The following BAHCC1 variants were observed in gnomAD, a reference collection of about 807,000 sequenced individuals.
The protein encoded by BAHCC1 is BAH domain and coiled-coil containing 1.
A neutral mutation model predicts 88.2 loss-of-function variants in BAHCC1; 43 were observed. That is an observed-to-expected ratio of 0.49 (90% CI 0.38 to 0.63). The LOEUF is 0.63. BAHCC1 is among the 20% of genes least tolerant of loss of function. The pLI is 0.00. For missense variants in BAHCC1, 3,023 were observed against 1,654.8 expected, an observed-to-expected ratio of 1.83 and a Z score of -14.34; for synonymous variants, 1,510 against 745.5, an observed-to-expected ratio of 2.03 and a Z score of -16.71.
At chr17:81,420,823 G>A (rs2064107936) in intron 2 of BAHCC1, among the ~76,000 whole-genome samples, 1 of 152,238 alleles carries the variant, frequency 6.6e-6, no homozygotes, top group Admixed American at 6.5e-5. Context: ...CTAAACTCAT[G>A]CTGCCTCCTG....
At position 81,461,364 on chromosome 17, in the gene BAHCC1, GC is replaced by G; in HGVS notation, c.6705del (p.Lys2236SerfsTer185). On this transcript the variant is annotated frameshift_variant, in exon 26 of 28. Coordinates refer to ENST00000675386, the MANE Select transcript of BAHCC1 (RefSeq NM_001377448.1). Reference protein sequence around the residue: ...KALLMGDKDFSPKLGRPLPSP... With the variant: ...KALLMGDKDFXPKLGRPLPSP... Reference sequence around the variant, plus strand: ...TTGCTCATGGGGGACAAGGACTTCAGCCCCAAGCTCGGGCGGCCCCTGCCCA... The same window carrying G: ...TTGCTCATGGGGGACAAGGACTTCAGCCCAAGCTCGGGCGGCCCCTGCCCA... The G allele has an allele frequency of 1.4e-6, 1 of 725,942 alleles. No individual in the cohort carries two copies. The highest frequency in any genetic ancestry group is 2.5e-6 in the Non-Finnish European group (1 of 394,224). The allele number at this position is 725,942 out of a possible 1,614,324, so 45.0% of individuals were successfully genotyped here.
At chr17:81,416,056 G>A (rs2064018078) in intron 2 of BAHCC1, among the ~76,000 whole-genome samples, 3 of 151,846 alleles carry the variant, frequency 2.0e-5, no homozygotes, top group African/African-American at 2.4e-5. Context: ...GTGCGTGTGT[G>A]TCCATGAGGA....
rs1272300918 is a variant in BAHCC1, at chr17:81,444,836, C to T, written c.2671+10C>T. The T allele has an allele frequency of 2.6e-6, 2 of 771,616 alleles. No individual in the cohort carries two copies. Among genetic ancestry groups the T allele is most frequent in the South Asian group, 1.4e-5 (1 of 73,528 alleles). 47.8% of individuals were successfully genotyped at this position (771,616 alleles called of 1,614,324 possible). On this transcript the variant is annotated intron_variant, in intron 8 of 27. Coordinates refer to ENST00000675386, the MANE Select transcript of BAHCC1 (RefSeq NM_001377448.1). ...GCCCCCCACGCACTTGGTAAGGGCC[C>T]CTGGTCCAGGCTGCTGTACTTGGGG...
At position 81,399,723 on chromosome 17, in the gene BAHCC1, C is replaced by G. The variant is rs1287812663; in HGVS notation, c.-17C>G. On this transcript the variant is annotated 5_prime_UTR_variant, in exon 2 of 28. Transcript: ENST00000675386. The surrounding 1 kb of genome is among the most constrained non-coding windows in gnomAD (Gnocchi z 4.5). The stretch of plus-strand genomic sequence containing the variant: ...CTGCTCCGAGGAAGCGGCGGCGGAC[C>G]GGGGCCGGGGCCCGGCATGGATGGC... 2 of 1,058,786 alleles carry G rather than the reference C, an allele frequency of 1.9e-6. No homozygotes were observed. Among genetic ancestry groups the G allele is most frequent in the East Asian group, 7.1e-5 (1 of 14,126 alleles). 65.6% of individuals were successfully genotyped at this position (1,058,786 alleles called of 1,614,324 possible).
intron 10 of BAHCC1, 50 bp from the exon 11 acceptor site, chr17:81,446,986 C>T (rs1555654565): frequency 1.3e-6 from 1 of 773,446 alleles, no homozygotes; most frequent in Non-Finnish European, 2.4e-6. Flanking sequence ...CGCAGGACAC[C>T]CCCTCACCAC....
intron 10 of BAHCC1, among the ~76,000 whole-genome samples, chr17:81,446,401 C>T (rs2064527630): frequency 6.6e-6 from 1 of 151,642 alleles, no homozygotes; most frequent in Non-Finnish European, 1.5e-5. Context: ...TTTCTGGTTA[C>T]CCACAGCATA....
At chr17:81,418,354 C>A (rs2064062017) in intron 2 of BAHCC1, among the ~76,000 whole-genome samples, 1 of 152,174 alleles carries the variant, frequency 6.6e-6, no homozygotes, top group Non-Finnish European at 1.5e-5. Context: ...GGCTGCCCGC[C>A]AGAATCTACA....
chr17:81,424,726 TGTG>T (rs782548528), intron 2 of BAHCC1, among the ~76,000 whole-genome samples: 2 of 146,684 alleles, frequency 1.4e-5, no homozygotes, highest in African/African-American at 2.5e-5. Context: ...GTTGGTGTTG[TGTG>T]GTGGTGGTGA....
At chr17:81,404,910 G>A (rs868963564) in intron 2 of BAHCC1, among the ~76,000 whole-genome samples, 6 of 152,116 alleles carry the variant, frequency 3.9e-5, no homozygotes, top group Non-Finnish European at 7.4e-5. Context: ...TTTCATCCTG[G>A]GTGGTTTGGT....
rs367683006 is a variant in BAHCC1, at chr17:81,399,082, C to T, written c.-206-452C>T. 4.7e-5 allele frequency: 10 copies of T among 211,118 alleles called. No individual in the cohort carries two copies. The East Asian group carries it at 1.1e-3, about 23-fold the overall frequency. 13.1% of individuals were successfully genotyped at this position (211,118 alleles called of 1,614,324 possible). On this transcript the variant is annotated intron_variant, in intron 1 of 27. Transcript: ENST00000675386. The surrounding 1 kb of genome is among the most constrained non-coding windows in gnomAD (Gnocchi z 4.5). ...TAGTGTGGACCCCAGGCCTTTTCCT[C>T]CGAGACACCTTTGGGCAGCGGGGGA...
intron 3 of BAHCC1, among the ~76,000 whole-genome samples, chr17:81,437,017 C>T (rs1215189741): frequency 1.3e-5 from 2 of 152,262 alleles, no homozygotes; most frequent in African/African-American, 4.8e-5. Context: ...CTGGGATCCA[C>T]TGAGCCAGAG....
chr17:81,450,122 C>T (rs999155277), intron 11 of BAHCC1, among the ~76,000 whole-genome samples: 6 of 152,148 alleles, frequency 3.9e-5, no homozygotes, highest in African/African-American at 1.2e-4. Flanking sequence ...TTGGGGTGCT[C>T]GTTGCTGTGA....
At position 81,462,784 on chromosome 17, in the gene BAHCC1, C is replaced by T. The variant is rs782552853; in HGVS notation, c.7428C>T (p.Ala2476=). 3.9e-6 allele frequency: 3 copies of T among 778,604 alleles called. No individual in the cohort carries two copies. Among genetic ancestry groups the T allele is most frequent in the East Asian group, 2.4e-5 (1 of 41,228 alleles). 48.2% of individuals were successfully genotyped at this position (778,604 alleles called of 1,614,324 possible). A position where few individuals can be genotyped will look rare whatever the true frequency, so the allele number is the denominator to read the frequency against. ...KGKARKLFYK[A]IVRGEETLRV... ...AGGCCCGGAAGCTGTTCTACAAGGCCATCGTGCGGGGCGAGGAGACCCTGC... is the reference window on the plus strand; with the variant it reads ...AGGCCCGGAAGCTGTTCTACAAGGCTATCGTGCGGGGCGAGGAGACCCTGC... Residue 2476 remains alanine, a synonymous_variant, in exon 27 of 28, where the codon GCC becomes GCT. Transcript: ENST00000675386.
Position 81,399,758 on chromosome 17 carries a change from GCGC to G in BAHCC1, c.29_31del (p.Pro10del), listed in dbSNP as rs1458319618. 7.6e-6 allele frequency: 9 copies of G among 1,189,146 alleles called. No individual in the cohort carries two copies. Among genetic ancestry groups the G allele is most frequent in the Middle Eastern group, 3.4e-4 (1 of 2,946 alleles). 73.7% of individuals were successfully genotyped at this position (1,189,146 alleles called of 1,614,324 possible). A position where few individuals can be genotyped will look rare whatever the true frequency, so the allele number is the denominator to read the frequency against. ...GCCCGGCATGGATGGCCGCGACTTT[GCGC>G]CGCCGCCGCATCTGCTGTCGGAGCG... On this transcript the variant is annotated inframe_deletion, in exon 2 of 28. Transcript: ENST00000675386. This position sits in a 1 kb window ranked among gnomAD's most constrained non-coding sequence, Gnocchi z 4.5.
At position 81,399,659 on chromosome 17, in the gene BAHCC1, G is replaced by T; in HGVS notation, c.-81G>T. ...TGACCCCGGACGCCGCCGCCTCTGC[G>T]CCGCCCGCGCGCCGAGCCGCCCCCG... On this transcript the variant is annotated 5_prime_UTR_variant, in exon 2 of 28. Coordinates refer to ENST00000675386, the MANE Select transcript of BAHCC1 (RefSeq NM_001377448.1). The surrounding 1 kb of genome is among the most constrained non-coding windows in gnomAD (Gnocchi z 4.5). The T allele has an allele frequency of 1.1e-6, 1 of 899,940 alleles. No homozygotes were observed. Among genetic ancestry groups the T allele is most frequent in the Non-Finnish European group, 1.3e-6 (1 of 750,482 alleles). The allele number at this position is 899,940 out of a possible 1,614,324, so 55.7% of individuals were successfully genotyped here.
chr17:81,407,381 C>G (rs1218750164), intron 2 of BAHCC1: 1 of 520,090 alleles, frequency 1.9e-6, no homozygotes, highest in Non-Finnish European at 3.8e-6. Context: ...GAAGTCGGGT[C>G]TCAGTGCGAC....
chr17:81,397,180 C>T (rs1490680764), intron 1 of BAHCC1: 2 of 152,202 alleles, frequency 1.3e-5, no homozygotes, highest in Non-Finnish European at 2.9e-5. Flanking sequence ...AAAGCTCTCT[C>T]CAATCCGGTC....
chr17:81,448,881 A>C (rs1032267586), intron 11 of BAHCC1, among the ~76,000 whole-genome samples: 83 of 151,756 alleles, frequency 5.5e-4, no homozygotes, highest in African/African-American at 1.9e-3. Context: ...TGGACCCCCC[A>C]GAGGCCCTCC....
intron 2 of BAHCC1, among the ~76,000 whole-genome samples, chr17:81,405,770 G>C (rs1266521949): frequency 6.6e-6 from 1 of 152,178 alleles, no homozygotes; most frequent in African/African-American, 2.4e-5. Context: ...ATAAATACCT[G>C]AATATAGGCC....
Sources: gnomAD v4.1 joint callset for allele counts (sites outside exome capture counted in the v4.1 genomes callset) on GRCh38, gnomAD v4.1.1 for gene constraint, Gnocchi (gnomAD v3.1) non-coding constraint, MANE v1.5 for transcripts, NCBI Gene and HGNC (gene_info 2026-07-23, HGNC 2026-07-21) for gene names.